BMAL1: variants seen among roughly 807,000 people sequenced by gnomAD.
BMAL1 encodes basic helix-loop-helix ARNT-like protein 1.
chr11:13,329,030 A>G, the BMAL1 span, among the ~76,000 whole-genome samples: 2 of 152,198 alleles, frequency 1.3e-5, no homozygotes, highest in African/African-American at 4.8e-5. Context: ...TTGAGTACCT[A>G]CTAAGAGCTG....
chr11:13,385,838 A>G, the BMAL1 span: 4 of 1,412,918 alleles, frequency 2.8e-6, no homozygotes, highest in Non-Finnish European at 4.0e-6. Context: ...CTTGCAAAAC[A>G]TCTTACATAA....
At chr11:13,350,111 T>G in the BMAL1 span, 6 of 152,258 alleles carry the variant, frequency 3.9e-5, no homozygotes, top group Admixed American at 1.3e-4. Flanking sequence ...TGTGAACTCA[T>G]GATTCTTGGT....
chr11:13,350,053 T>C, the BMAL1 span: 1 of 152,180 alleles, frequency 6.6e-6, no homozygotes, highest in Non-Finnish European at 1.5e-5. Flanking sequence ...ATCTGGGGTG[T>C]AAGAACTGTG....
chr11:13,371,672 A>C, the BMAL1 span, among the ~76,000 whole-genome samples: 1 of 152,204 alleles, frequency 6.6e-6, no homozygotes, highest in African/African-American at 2.4e-5. Flanking sequence ...GTTAGAAAGT[A>C]ATCCAAGGCC....
chr11:13,387,063 G>A, the BMAL1 span: 2 of 225,680 alleles, frequency 8.9e-6, no homozygotes, highest in African/African-American at 4.5e-5. Flanking sequence ...AGCATCATTG[G>A]TAGCTTTTAT....
At chr11:13,379,204 A>G in the BMAL1 span, 22 of 152,266 alleles carry the variant, frequency 1.4e-4, no homozygotes, top group African/African-American at 4.6e-4. Flanking sequence ...AATTAATTAA[A>G]TCTGTCTTTA....
the BMAL1 span, chr11:13,355,048 A>G: frequency 2.0e-6 from 1 of 507,470 alleles, no homozygotes; most frequent in African/African-American, 1.9e-5. Flanking sequence ...TCCCTTCTAT[A>G]TATGTACAAA....
At chr11:13,378,946 G>GTT in the BMAL1 span, 1 of 153,264 alleles carries the variant, frequency 6.5e-6, no homozygotes, top group African/African-American at 2.4e-5. Context: ...AGATCAGCTA[G>GTT]TTATTACTAG....
At chr11:13,339,951 G>A in the BMAL1 span, among the ~76,000 whole-genome samples, 1 of 152,188 alleles carries the variant, frequency 6.6e-6, no homozygotes, top group Non-Finnish European at 1.5e-5. Flanking sequence ...GCACTTGGAT[G>A]CCCTCAGTAA....
At chr11:13,341,583 T>C in the BMAL1 span, among the ~76,000 whole-genome samples, 1 of 152,194 alleles carries the variant, frequency 6.6e-6, no homozygotes. Flanking sequence ...CACACTGGCC[T>C]CTCTCCCTTT....
At chr11:13,301,871 G>A in the BMAL1 span, among the ~76,000 whole-genome samples, 1 of 152,216 alleles carries the variant, frequency 6.6e-6, no homozygotes, top group South Asian at 2.1e-4. Context: ...AAGATAAATA[G>A]CAAGGAATTA....
chr11:13,333,219 G>A, the BMAL1 span, among the ~76,000 whole-genome samples: 10,559 of 152,038 alleles, frequency 0.069, 458 homozygotes, highest in East Asian at 0.19. Flanking sequence ...TGCTCACCTC[G>A]GCCTCCCAAA....
the BMAL1 span, among the ~76,000 whole-genome samples, chr11:13,315,783 C>T: frequency 1.3e-5 from 2 of 152,166 alleles, no homozygotes; most frequent in Non-Finnish European, 2.9e-5. Context: ...TAGGCAGGTG[C>T]GCAGCCTGGA....
chr11:13,357,232 A>C, the BMAL1 span: 3 of 1,321,310 alleles, frequency 2.3e-6, no homozygotes, highest in African/African-American at 1.5e-5. This position sits in a 1 kb window ranked among gnomAD's most constrained non-coding sequence, Gnocchi z 4.8. Context: ...ATAGGCAGGT[A>C]GTGGGCCTTG....
the BMAL1 span, among the ~76,000 whole-genome samples, chr11:13,370,107 T>C: frequency 6.6e-6 from 1 of 152,242 alleles, no homozygotes; most frequent in Non-Finnish European, 1.5e-5. Flanking sequence ...GTGACCTTGA[T>C]GTTGTTAAAT....
the BMAL1 span, among the ~76,000 whole-genome samples, chr11:13,343,575 C>G: frequency 1.3e-5 from 2 of 152,274 alleles, no homozygotes; most frequent in African/African-American, 4.8e-5. Flanking sequence ...GACCAAGAGT[C>G]CCCCCAGGAT....
At chr11:13,310,559 A>G in the BMAL1 span, among the ~76,000 whole-genome samples, 10 of 152,272 alleles carry the variant, frequency 6.6e-5, no homozygotes, top group Non-Finnish European at 1.3e-4. Context: ...ACCAGATGCT[A>G]AATATTTTTG....
chr11:13,294,855 T>C, the BMAL1 span, among the ~76,000 whole-genome samples: 1 of 152,186 alleles, frequency 6.6e-6, no homozygotes, highest in African/African-American at 2.4e-5. Context: ...GTTTCCAGTG[T>C]TCTCTGTTCA....
chr11:13,325,157 T>C, the BMAL1 span, among the ~76,000 whole-genome samples: 1 of 152,350 alleles, frequency 6.6e-6, no homozygotes, highest in African/African-American at 2.4e-5. Context: ...GTTGACACTC[T>C]GTGGTGTTTT....
Sources: gnomAD v4.1 joint callset for allele counts (sites outside exome capture counted in the v4.1 genomes callset) on GRCh38, gnomAD v4.1.1 for gene constraint, Gnocchi (gnomAD v3.1) non-coding constraint, MANE v1.5 for transcripts, NCBI Gene and HGNC (gene_info 2026-07-23, HGNC 2026-07-21) for gene names.